PPM1A: variants seen among roughly 807,000 people sequenced by gnomAD.
The protein encoded by PPM1A is protein phosphatase, Mg2+/Mn2+ dependent 1A.
Under a neutral mutation model 35.0 loss-of-function variants are expected in PPM1A, and 7 were observed. That is an observed-to-expected ratio of 0.20 (90% CI 0.11 to 0.38). The LOEUF (loss-of-function observed/expected upper bound fraction) is 0.38. Among genes scored for constraint, PPM1A ranks in the 10% least tolerant of loss-of-function variants. The pLI, the probability that PPM1A is intolerant of heterozygous loss-of-function variation, is 1.00. For missense variants in PPM1A, 239 were observed against 467.8 expected, an observed-to-expected ratio of 0.51 and a Z score of 4.51; for synonymous variants, 153 against 167.3, an observed-to-expected ratio of 0.91 and a Z score of 0.66.
intron 2 of PPM1A, among the ~76,000 whole-genome samples, chr14:60,284,544 AG>A (rs1450982625): frequency 2.0e-5 from 3 of 151,076 alleles, no homozygotes; most frequent in African/African-American, 4.9e-5. Context: ...CGGGAGGCTG[AG>A]GCAGGAGAAT....
At chr14:60,287,541 C>G in intron 3 of PPM1A, 2 of 985,308 alleles carry the variant, frequency 2.0e-6, no homozygotes, top group Non-Finnish European at 2.4e-6. Context: ...AAGCAGGCAC[C>G]TGAATGCCTT....
chr14:60,286,011 A>C, intron 3 of PPM1A: 1 of 1,077,936 alleles, frequency 9.3e-7, no homozygotes, highest in Non-Finnish European at 1.1e-6. Flanking sequence ...TGTGTGCTTT[A>C]AAATTCTTAA....
rs758097769 is a variant in PPM1A at position 60,296,814 on chromosome 14, G to T, written c.*4332G>T. The T allele has an allele frequency of 3.1e-6, 1 of 323,556 alleles. No homozygotes were observed. Among genetic ancestry groups the T allele is most frequent in the Non-Finnish European group, 5.7e-6 (1 of 175,000 alleles). 20.0% of individuals were successfully genotyped at this position (323,556 alleles called of 1,614,324 possible). A position where few individuals can be genotyped will look rare whatever the true frequency, so the allele number is the denominator to read the frequency against. ...AGTCAAAATGCTCAATAGAAATGAT[G>T]AGAGGCATTGGTTCCAATTCATTGT... On this transcript the variant is annotated 3_prime_UTR_variant, in exon 6 of 6. Coordinates refer to ENST00000395076, the MANE Select transcript of PPM1A (RefSeq NM_021003.5). The surrounding 1 kb of genome is among the most constrained non-coding windows in gnomAD (Gnocchi z 4.4).
At chr14:60,248,335 G>A (rs191207477), upstream of PPM1A, among the ~76,000 whole-genome samples, 2 of 152,306 alleles carry the variant, frequency 1.3e-5, no homozygotes, top group Admixed American at 1.3e-4. Context: ...TACCTCATTG[G>A]AGGTCGTTGG....
rs1382339234 is a variant in PPM1A at position 60,287,000 on chromosome 14, A to G, written c.952+1259A>G. On this transcript the variant is annotated intron_variant, in intron 3 of 5. Transcript: ENST00000395076. ...AATGCTACAATCATTGGTTCAAACTATTGATTCATGGGAAAATTTAAATTC... is the reference window on the plus strand; with the variant it reads ...AATGCTACAATCATTGGTTCAAACTGTTGATTCATGGGAAAATTTAAATTC... The G allele has an allele frequency of 5.6e-6, 5 of 900,060 alleles. No homozygotes were observed. The African/African-American group carries it at 7.2e-5, about 13-fold the overall frequency. The allele number at this position is 900,060 out of a possible 1,614,324, so 55.8% of individuals were successfully genotyped here.
In PPM1A at chr14:60,283,682, C is replaced by T; in HGVS notation, c.834+145C>T. The T allele has an allele frequency of 1.3e-6, 1 of 758,716 alleles. No homozygotes were observed. Among genetic ancestry groups the T allele is most frequent in the Non-Finnish European group, 2.1e-6 (1 of 487,076 alleles). 47.0% of individuals were successfully genotyped at this position (758,716 alleles called of 1,614,324 possible). Reference sequence around the variant, plus strand: ...CTGTTCACCAATTATGAAAATATATCATAGGACCACTATGTAGAAATAAAT... The same window carrying T: ...CTGTTCACCAATTATGAAAATATATTATAGGACCACTATGTAGAAATAAAT... On this transcript the variant is annotated intron_variant, in intron 2 of 5. Transcript: ENST00000395076. The surrounding 1 kb of genome is among the most constrained non-coding windows in gnomAD (Gnocchi z 6.3).
rs900234688 is a variant in PPM1A at position 60,282,043 on chromosome 14, G to A, written c.-20-641G>A. On this transcript the variant is annotated intron_variant, in intron 1 of 5. Coordinates refer to ENST00000395076, the MANE Select transcript of PPM1A (RefSeq NM_021003.5). The surrounding 1 kb of genome is among the most constrained non-coding windows in gnomAD (Gnocchi z 5.1). The stretch of plus-strand genomic sequence containing the variant: ...TTTATCAAAAACTGAAAAACCTCAT[G>A]GAAAAGGTAGAATGTAAGGTAGACT... Among the ~76,000 whole-genome samples the A allele has an allele frequency of 6.6e-6, 1 of 152,140 alleles. No homozygotes were observed. The highest frequency in any genetic ancestry group is 1.5e-5 in the Non-Finnish European group (1 of 68,024).
intron 4 of PPM1A, among the ~76,000 whole-genome samples, chr14:60,290,172 C>T (rs1005313725): frequency 3.3e-5 from 5 of 151,968 alleles, no homozygotes; most frequent in Non-Finnish European, 7.4e-5. Flanking sequence ...AGAGCATAAA[C>T]GAGATAATAT....
upstream of PPM1A, chr14:60,248,781 C>G (rs532951938): frequency 6.5e-6 from 1 of 152,834 alleles, no homozygotes; most frequent in East Asian, 1.9e-4. Context: ...AGCCAGGGCT[C>G]CGGGCGCGGA....
At chr14:60,258,447 C>T (rs543381505) in intron 1 of PPM1A, among the ~76,000 whole-genome samples, 250 of 152,134 alleles carry the variant, frequency 1.6e-3, no homozygotes, top group Non-Finnish European at 2.8e-3. Flanking sequence ...GGCTTTTAGT[C>T]ATAACTATGT....
chr14:60,258,884 T>C (rs147691878), intron 1 of PPM1A, among the ~76,000 whole-genome samples: 43 of 152,178 alleles, frequency 2.8e-4, no homozygotes, highest in African/African-American at 9.9e-4. Context: ...AAGTGAGAGA[T>C]AATTCACCAG....
intron 1 of PPM1A, among the ~76,000 whole-genome samples, chr14:60,272,205 T>G (rs1163432125): frequency 6.6e-6 from 1 of 152,240 alleles, no homozygotes; most frequent in Admixed American, 6.5e-5. Flanking sequence ...TTCAGGTTAC[T>G]TCTTTTTTTA....
chr14:60,249,883 TGGCGGGGAGGCGGG>T lies in PPM1A; in HGVS notation c.-21+214_-21+227del, dbSNP rs1452258029. ...AGGGGTTAACGCTCGGCGAGGGCGG[TGGCGGGGAGGCGGG>T]GGCGGGGTGTTAGTTGCGGTGGCGC... On this transcript the variant is annotated intron_variant, in intron 1 of 5. Coordinates refer to ENST00000395076, the MANE Select transcript of PPM1A (RefSeq NM_021003.5). This position sits in a 1 kb window ranked among gnomAD's most constrained non-coding sequence, Gnocchi z 4.5. Among the ~76,000 whole-genome samples the T allele has an allele frequency of 1.4e-5, 2 of 144,384 alleles. No homozygotes were observed. Among genetic ancestry groups the T allele is most frequent in the Non-Finnish European group, 1.5e-5 (1 of 65,470 alleles). The allele number at this position is 144,384 out of a possible 152,430, so 94.7% of individuals were successfully genotyped here. A position where few individuals can be genotyped will look rare whatever the true frequency, so the allele number is the denominator to read the frequency against.
upstream of PPM1A, chr14:60,245,845 C>T (rs895232408): frequency 1.1e-5 from 18 of 1,581,976 alleles, no homozygotes; most frequent in East Asian, 6.8e-5. The surrounding 1 kb of genome is among the most constrained non-coding windows in gnomAD (Gnocchi z 4.2). Context: ...ACTGTCTGCT[C>T]GCATGTTCTG....
In PPM1A at chr14:60,267,894, C is replaced by G. The variant is rs140225261; in HGVS notation, c.-20-14790C>G. On this transcript the variant is annotated intron_variant, in intron 1 of 5. Coordinates refer to ENST00000395076, the MANE Select transcript of PPM1A (RefSeq NM_021003.5). ...TTTGTTATTTTTTAGTTTTGCTGAA[C>G]CATTTAAGACTCAGTATGGACATCA... 8.4e-3 allele frequency among the ~76,000 whole-genome samples: 1,284 copies of G among 152,142 alleles called. 22 individuals carry two copies. Among genetic ancestry groups the G allele is most frequent in the East Asian group, 0.034 (178 of 5,176 alleles).
At position 60,298,756 on chromosome 14, in the gene PPM1A, A is replaced by G. The variant is rs1047569140; in HGVS notation, c.*6274A>G. 3 of 151,998 alleles carry G rather than the reference A, an allele frequency of 2.0e-5. No individual in the cohort carries two copies. Among genetic ancestry groups the G allele is most frequent in the East Asian group, 1.9e-4 (1 of 5,188 alleles). The allele number at this position is 151,998 out of a possible 1,614,324, so 9.4% of individuals were successfully genotyped here. On this transcript the variant is annotated 3_prime_UTR_variant, in exon 6 of 6. Transcript: ENST00000395076. ...ATTATATATTCATTTTTTAAACTCT[A>G]TAAATGTTAAGAATAATATAATTGC...
chr14:60,291,512 C>A, intron 5 of PPM1A, 58 bp downstream of exon 5: 2 of 1,377,214 alleles, frequency 1.5e-6, no homozygotes, highest in South Asian at 1.3e-5. Context: ...AATGCATATC[C>A]TTCCTACCTG....
intron 1 of PPM1A, among the ~76,000 whole-genome samples, chr14:60,277,712 G>A (rs1885920788): frequency 6.6e-6 from 1 of 152,162 alleles, no homozygotes; most frequent in African/African-American, 2.4e-5. Flanking sequence ...GTTTATGTAG[G>A]AGTTAGTAAT....
chr14:60,248,174 C>A (rs1881914256), upstream of PPM1A, among the ~76,000 whole-genome samples: 1 of 152,178 alleles, frequency 6.6e-6, no homozygotes, highest in South Asian at 2.1e-4. Flanking sequence ...CTGCAAGCAG[C>A]GTGGGTCGGG....
Sources: gnomAD v4.1 joint callset for allele counts (sites outside exome capture counted in the v4.1 genomes callset) on GRCh38, gnomAD v4.1.1 for gene constraint, Gnocchi (gnomAD v3.1) non-coding constraint, MANE v1.5 for transcripts, NCBI Gene and HGNC (gene_info 2026-07-23, HGNC 2026-07-21) for gene names.